KCNIP4: variants seen among roughly 807,000 people sequenced by gnomAD.
KCNIP4 encodes potassium voltage-gated channel interacting protein 4, also known as Kv channel-interacting protein 4.
In KCNIP4, 12 loss-of-function variants were observed where a neutral mutation model predicts 34.0. The observed-to-expected ratio is 0.35, with a 90% CI of 0.23 to 0.57. KCNIP4 has a LOEUF of 0.57. Among genes scored for constraint, KCNIP4 ranks in the 20% least tolerant of loss-of-function variants. The pLI, the probability that KCNIP4 is intolerant of heterozygous loss-of-function variation, is 0.83. For synonymous variants in KCNIP4, 124 were observed against 102.2 expected, an observed-to-expected ratio of 1.21 and a Z score of -1.29; for missense variants, 238 against 311.7, an observed-to-expected ratio of 0.76 and a Z score of 1.78.
intron 1 of KCNIP4, among the ~76,000 whole-genome samples, chr4:21,095,573 C>T (rs906710284): frequency 3.9e-5 from 6 of 152,038 alleles, no homozygotes; most frequent in Non-Finnish European, 7.4e-5. Context: ...TAATTAGACT[C>T]GTTTTGCAAT....
Position 21,114,049 on chromosome 4 carries a change from C to A in KCNIP4, c.62-231340G>T, listed in dbSNP as rs557400374. Among the ~76,000 whole-genome samples, 23 of 152,264 alleles carry A rather than the reference C, an allele frequency of 1.5e-4. No individual in the cohort carries two copies. In the South Asian group the frequency reaches 4.8e-3, roughly 32 times the overall value. On this transcript the variant is annotated intron_variant, in intron 1 of 8. Coordinates refer to ENST00000382152, the MANE Select transcript of KCNIP4 (RefSeq NM_025221.6). ...GGGTTTGATGTGGTCCAGACCTATC[C>A]GTAGCCTGTTTCCTATCCCTGATTC...
At chr4:21,891,636 G>T (rs1269777683) in intron 1 of KCNIP4, among the ~76,000 whole-genome samples, 2 of 152,074 alleles carry the variant, frequency 1.3e-5, no homozygotes, top group Non-Finnish European at 2.9e-5. Context: ...TAACATCAAC[G>T]AGTAAACAAT....
chr4:21,275,588 G>T (rs1410424896), intron 1 of KCNIP4, among the ~76,000 whole-genome samples: 1 of 152,160 alleles, frequency 6.6e-6, no homozygotes, highest in Admixed American at 6.5e-5. Flanking sequence ...CTATGAGAAA[G>T]CCTAGTGCAA....
At chr4:21,001,013 G>T (rs1300876651) in intron 1 of KCNIP4, among the ~76,000 whole-genome samples, 15 of 151,898 alleles carry the variant, frequency 9.9e-5, no homozygotes, top group Admixed American at 9.8e-4. Context: ...TATTTATCTT[G>T]TTTTTCCCAC....
At position 20,733,221 on chromosome 4, in the gene KCNIP4, T is replaced by C. The variant is rs1409249820; in HGVS notation, c.538-436A>G. 6.6e-5 allele frequency among the ~76,000 whole-genome samples: 10 copies of C among 152,186 alleles called. No homozygotes were observed. In the East Asian group the frequency reaches 1.5e-3, roughly 23 times the overall value. ...CACCATTTAGAATTAGTGAAATTAA[T>C]TGGTAAGTCTTAAGGTTCATTAGGG... On this transcript the variant is annotated intron_variant, in intron 6 of 8. Coordinates refer to ENST00000382152, the MANE Select transcript of KCNIP4 (RefSeq NM_025221.6).
chr4:21,724,617 GA>G lies in KCNIP4; in HGVS notation c.61+223953del, dbSNP rs1414475994. ...AGTATCTTTAAATCTTTAAAGTTCT[GA>G]AAAAAATACCGTATTTCCCTCTGTT... On this transcript the variant is annotated intron_variant, in intron 1 of 8. Coordinates refer to ENST00000382152, the MANE Select transcript of KCNIP4 (RefSeq NM_025221.6). 7.4e-5 allele frequency among the ~76,000 whole-genome samples: 11 copies of G among 148,596 alleles called. No homozygotes were observed. The East Asian group carries it at 1.6e-3, about 21-fold the overall frequency.
chr4:20,975,895 G>A lies in KCNIP4; in HGVS notation c.62-93186C>T, dbSNP rs182710121. On this transcript the variant is annotated intron_variant, in intron 1 of 8. Transcript: ENST00000382152. ...ATATTGTGACATATGAAAATTGTAT[G>A]GGATTCAAAGAGCATCTACAATGTT... Among the ~76,000 whole-genome samples the A allele has an allele frequency of 4.0e-3, 606 of 152,276 alleles. 3 individuals carry two copies. The highest frequency in any genetic ancestry group is 0.014 in the African/African-American group (566 of 41,556).
intron 1 of KCNIP4, among the ~76,000 whole-genome samples, chr4:20,990,895 CT>C (rs1340508209): frequency 6.6e-6 from 1 of 152,156 alleles, no homozygotes; most frequent in Non-Finnish European, 1.5e-5. Context: ...ATCATTATCC[CT>C]TTTATATATT....
intron 1 of KCNIP4, among the ~76,000 whole-genome samples, chr4:21,636,945 G>C (rs952982536): frequency 6.6e-6 from 1 of 152,148 alleles, no homozygotes; most frequent in Admixed American, 6.5e-5. Flanking sequence ...TATCTTGATG[G>C]ACACTAGGAA....
At chr4:20,804,795 C>T (rs1385564105) in intron 3 of KCNIP4, among the ~76,000 whole-genome samples, 7 of 152,118 alleles carry the variant, frequency 4.6e-5, no homozygotes, top group South Asian at 2.1e-4. Flanking sequence ...AGTTGGATAA[C>T]GGAAACAACT....
intron 1 of KCNIP4, among the ~76,000 whole-genome samples, chr4:21,778,224 C>CTTTTTTTTTTTTTT (rs757351209): frequency 9.8e-6 from 1 of 102,390 alleles, no homozygotes; most frequent in Non-Finnish European, 1.9e-5. Context: ...TCCTTTTTTC[C>CTTTTTTTTTTTTTT]TTTTTTTTTT....
intron 1 of KCNIP4, among the ~76,000 whole-genome samples, chr4:21,768,899 T>C (rs1429132760): frequency 1.3e-5 from 2 of 152,152 alleles, no homozygotes; most frequent in Non-Finnish European, 2.9e-5. Context: ...ATACATTACA[T>C]GTAATCATAT....
rs1204425244 is a variant in KCNIP4 at position 21,315,795 on chromosome 4, A to G, written c.62-433086T>C. 2.0e-5 allele frequency among the ~76,000 whole-genome samples: 3 copies of G among 152,278 alleles called. No individual in the cohort carries two copies. The East Asian group carries it at 5.8e-4, about 29-fold the overall frequency. ...TCTTCCCTTCTGATCTACCCACTGT[A>G]TACCTTGTTGTCAAAGTGAAAGGAA... On this transcript the variant is annotated intron_variant, in intron 1 of 8. Coordinates refer to ENST00000382152, the MANE Select transcript of KCNIP4 (RefSeq NM_025221.6).
chr4:21,047,644 A>G (rs763754268), intron 1 of KCNIP4, among the ~76,000 whole-genome samples: 9 of 152,192 alleles, frequency 5.9e-5, no homozygotes, highest in Non-Finnish European at 1.3e-4. Flanking sequence ...ATATTTAAGA[A>G]AAGCCTCATA....
At chr4:21,557,792 T>C (rs1280924546) in intron 1 of KCNIP4, among the ~76,000 whole-genome samples, 1 of 152,144 alleles carries the variant, frequency 6.6e-6, no homozygotes, top group Non-Finnish European at 1.5e-5. Flanking sequence ...TTGATACACA[T>C]AGGCCACTGG....
intron 1 of KCNIP4, among the ~76,000 whole-genome samples, chr4:21,396,392 CTA>C (rs1723000467): frequency 6.6e-6 from 1 of 151,424 alleles, no homozygotes; most frequent in Non-Finnish European, 1.5e-5. Flanking sequence ...TCTGTCTCTA[CTA>C]AAAATACAAA....
chr4:20,919,248 G>A (rs557247865), intron 1 of KCNIP4, among the ~76,000 whole-genome samples: 2 of 152,220 alleles, frequency 1.3e-5, no homozygotes, highest in East Asian at 1.9e-4. Context: ...AGGCTCTCAT[G>A]TTCTCATTTG....
At chr4:21,068,620 T>C (rs762595632) in intron 1 of KCNIP4, among the ~76,000 whole-genome samples, 3 of 152,172 alleles carry the variant, frequency 2.0e-5, no homozygotes, top group Non-Finnish European at 4.4e-5. Flanking sequence ...ATGGCTGTCC[T>C]TTTCTTGTCA....
intron 1 of KCNIP4, among the ~76,000 whole-genome samples, chr4:21,056,332 G>A (rs1743396076): frequency 6.6e-6 from 1 of 151,940 alleles, no homozygotes; most frequent in Non-Finnish European, 1.5e-5. Flanking sequence ...TTTACAATTC[G>A]TTCTCTTGAC....
Sources: allele counts gnomAD v4.1 joint callset (sites outside exome capture counted in the v4.1 genomes callset), GRCh38; gene constraint gnomAD v4.1.1; transcripts MANE v1.5; gene names NCBI Gene and HGNC (gene_info 2026-07-23, HGNC 2026-07-21).